The following CASD1 variants were observed in gnomAD, a reference collection of about 807,000 sequenced individuals.
CASD1 encodes CAS1 domain sialic acid O acetyltransferase 1, also known as N-acetylneuraminate (7)9-O-acetyltransferase.
CASD1 carries 41 observed loss-of-function variants against 100.0 expected under a neutral mutation model. That is an observed-to-expected ratio of 0.41 (90% CI 0.32 to 0.53). The LOEUF is 0.53. Among genes scored for constraint, CASD1 ranks in the 20% least tolerant of loss-of-function variants. The pLI is 0.25. For missense variants in CASD1, 774 were observed against 948.7 expected (o/e 0.82, Z 2.42); for synonymous variants, 321 against 315.6 (o/e 1.02, Z -0.18).
the CASD1 span, chr7:94,586,703 T>C: frequency 7.0e-6 from 2 of 285,400 alleles, no homozygotes; most frequent in Non-Finnish European, 1.0e-5. Context: ...GGCTTCGCCA[T>C]GTCGGGCAGG....
chr7:94,525,098 A>G (rs1448088750), intron 3 of CASD1, among the ~76,000 whole-genome samples: 3 of 133,914 alleles, frequency 2.2e-5, no homozygotes, highest in Middle Eastern at 4.3e-3. Context: ...ACTTTCACAT[A>G]GTTCAGCAAA....
At chr7:94,545,505 A>G (rs1324534969) in intron 11 of CASD1, 40 bp from the exon 12 acceptor site, 3 of 1,527,854 alleles carry the variant, frequency 2.0e-6, no homozygotes, top group East Asian at 4.5e-5. Flanking sequence ...AATGAAAACA[A>G]TTACTTAGAA....
At chr7:94,633,365 C>A in the CASD1 span, among the ~76,000 whole-genome samples, 1 of 152,062 alleles carries the variant, frequency 6.6e-6, no homozygotes, top group African/African-American at 2.4e-5. Flanking sequence ...TCATAAGGAA[C>A]AGAATTTTTT....
intron 5 of CASD1, among the ~76,000 whole-genome samples, chr7:94,530,416 G>C (rs1408396959): frequency 6.6e-6 from 1 of 152,136 alleles, no homozygotes; most frequent in African/African-American, 2.4e-5. Flanking sequence ...AAGAGATGAG[G>C]AAGCAGGTAC....
chr7:94,618,982 A>G, the CASD1 span: 3 of 1,457,102 alleles, frequency 2.1e-6, no homozygotes, highest in Non-Finnish European at 2.9e-6. Context: ...AAGGGCATGC[A>G]TATCTTTAAT....
chr7:94,562,618 A>G, the CASD1 span, among the ~76,000 whole-genome samples: 5 of 151,022 alleles, frequency 3.3e-5, no homozygotes, highest in African/African-American at 1.2e-4. Context: ...TTCAGTCGAT[A>G]CAGTTTCCTT....
intron 3 of CASD1, among the ~76,000 whole-genome samples, chr7:94,521,018 G>T (rs1397667440): frequency 1.3e-5 from 2 of 152,144 alleles, no homozygotes; most frequent in East Asian, 3.9e-4. Context: ...CTTGAACCCA[G>T]GAGGTGGAGG....
chr7:94,592,275 C>T, the CASD1 span, among the ~76,000 whole-genome samples: 53 of 152,266 alleles, frequency 3.5e-4, no homozygotes, highest in South Asian at 2.7e-3. Flanking sequence ...GGAAAAAATG[C>T]CTTCAATCCC....
the CASD1 span, among the ~76,000 whole-genome samples, chr7:94,563,115 T>C: frequency 6.6e-6 from 1 of 152,004 alleles, no homozygotes; most frequent in African/African-American, 2.4e-5. Context: ...GCTCTATGAA[T>C]CTCCAATGAT....
chr7:94,624,307 T>C, the CASD1 span: 1,624 of 397,886 alleles, frequency 4.1e-3, 31 homozygotes, highest in African/African-American at 0.03. Flanking sequence ...TCTTGTGCAT[T>C]TTAAAACAAA....
downstream of CASD1, among the ~76,000 whole-genome samples, chr7:94,558,830 T>C (rs1443850566): frequency 6.6e-6 from 1 of 152,124 alleles, no homozygotes; most frequent in Non-Finnish European, 1.5e-5. Context: ...GGCAGGGTCT[T>C]ACTCTGTCAC....
At chr7:94,587,684 A>T in the CASD1 span, 1 of 1,529,342 alleles carries the variant, frequency 6.5e-7, no homozygotes, top group South Asian at 1.3e-5. Context: ...GAAACATGTT[A>T]GCATTTAATT....
Position 94,510,186 on chromosome 7 carries a change from A to C in CASD1, c.102A>C (p.Ala34=), listed in dbSNP as rs781262771. The C allele has an allele frequency of 1.3e-6, 2 of 1,512,130 alleles. No homozygotes were observed. Among genetic ancestry groups the C allele is most frequent in the African/African-American group, 2.9e-5 (2 of 69,920 alleles). The allele number at this position is 1,512,130 out of a possible 1,614,324, so 93.7% of individuals were successfully genotyped here. ...CGCTGGTGGCCGTGCTGCTGCTCGCAGCGTGCCACCTCGCCTCCCGCCGCT... is the reference window on the plus strand; with the variant it reads ...CGCTGGTGGCCGTGCTGCTGCTCGCCGCGTGCCACCTCGCCTCCCGCCGCT... ...VLALVAVLLL[A]ACHLASRRYR... The change falls in exon 1 of 18, where the codon GCA becomes GCC. Residue 34 remains alanine, a synonymous_variant. Transcript: ENST00000297273.
At chr7:94,623,598 A>C in the CASD1 span, 3 of 538,248 alleles carry the variant, frequency 5.6e-6, no homozygotes, top group Non-Finnish European at 9.8e-6. Flanking sequence ...AGTCAGGTCT[A>C]TTTAATATAC....
downstream of CASD1, among the ~76,000 whole-genome samples, chr7:94,560,573 G>T (rs933717640): frequency 6.6e-6 from 1 of 152,168 alleles, no homozygotes; most frequent in Non-Finnish European, 1.5e-5. Context: ...TTGTAAAGTT[G>T]TATATTTGGA....
the CASD1 span, among the ~76,000 whole-genome samples, chr7:94,614,968 A>G: frequency 2.6e-5 from 4 of 152,210 alleles, no homozygotes; most frequent in Admixed American, 2.6e-4. Context: ...CAGGTTTCCA[A>G]TTTTATTAAA....
chr7:94,525,408 C>T (rs989085070), intron 3 of CASD1, among the ~76,000 whole-genome samples: 7 of 152,086 alleles, frequency 4.6e-5, no homozygotes, highest in African/African-American at 1.7e-4. Flanking sequence ...AGGGAAAGGA[C>T]CACATAGGTG....
rs1795991650 is a variant in CASD1, at chr7:94,552,351, C to T, written c.1958C>T (p.Thr653Ile). The change falls in exon 16 of 18, where the codon ACC becomes ATC. Residue 653 changes from threonine (T) to isoleucine (I), a missense_variant and splice_region_variant. By Grantham distance (89) the Thr-to-Ile change is moderately conservative. This residue lies in a region of CASD1 where 175 missense variants were observed against 206.9 expected (regional missense o/e 0.85). Coordinates refer to ENST00000297273, the MANE Select transcript of CASD1 (RefSeq NM_022900.5). ...LLFISVVSFL[T>I]YSIWASSCKN... is the part of the protein sequence containing the mutation. ...TTTTCCATACATTTTTTGTTTTAGACCTATTCCATCTGGGCTAGCAGTTGT... is the reference window on the plus strand; with the variant it reads ...TTTTCCATACATTTTTTGTTTTAGATCTATTCCATCTGGGCTAGCAGTTGT... 1.9e-6 allele frequency: 3 copies of T among 1,608,060 alleles called. No individual in the cohort carries two copies. Among genetic ancestry groups the T allele is most frequent in the Non-Finnish European group, 1.7e-6 (2 of 1,177,542 alleles).
At chr7:94,616,184 C>G in the CASD1 span, among the ~76,000 whole-genome samples, 1 of 152,130 alleles carries the variant, frequency 6.6e-6, no homozygotes, top group Non-Finnish European at 1.5e-5. Context: ...CTTAATGACA[C>G]TTCAGGCAGT....
Sources: allele counts gnomAD v4.1 joint callset (sites outside exome capture counted in the v4.1 genomes callset), GRCh38; gene constraint gnomAD v4.1.1; regional missense constraint gnomAD v4.1.1; transcripts MANE v1.5; gene names NCBI Gene and HGNC (gene_info 2026-07-23, HGNC 2026-07-21).